Variants in NCKAP5 observed in about 807,000 individuals in gnomAD.
NCKAP5 encodes nck-associated protein 5.
A neutral mutation model predicts 167.0 loss-of-function variants in NCKAP5; 92 were observed. The observed-to-expected ratio is 0.55, with a 90% CI of 0.47 to 0.66. NCKAP5 has a LOEUF of 0.66. NCKAP5 is among the 30% of genes least tolerant of loss of function. The pLI is 0.00. For synonymous variants in NCKAP5, 891 were observed against 877.4 expected, an observed-to-expected ratio of 1.02 and a Z score of -0.27; for missense variants, 2,378 against 2,315.0, an observed-to-expected ratio of 1.03 and a Z score of -0.56.
At chr2:132,954,463 C>G (rs1334477749) in intron 8 of NCKAP5, among the ~76,000 whole-genome samples, 1 of 152,080 alleles carries the variant, frequency 6.6e-6, no homozygotes, top group African/African-American at 2.4e-5. Context: ...TATTCTATCA[C>G]AATATGTATG....
intron 3 of NCKAP5, among the ~76,000 whole-genome samples, chr2:133,418,113 C>A (rs1477077368): frequency 1.3e-5 from 2 of 152,220 alleles, no homozygotes; most frequent in Admixed American, 6.5e-5. Flanking sequence ...TAAGCCTTTG[C>A]AAACTGCTCT....
intron 6 of NCKAP5, among the ~76,000 whole-genome samples, chr2:133,036,750 A>G (rs1019258187): frequency 6.6e-6 from 1 of 152,100 alleles, no homozygotes; most frequent in Admixed American, 6.6e-5. Context: ...TTCCTTTAAT[A>G]TCTGAAACAT....
intron 2 of NCKAP5, among the ~76,000 whole-genome samples, chr2:133,555,276 T>C (rs777346383): frequency 4.9e-4 from 75 of 152,216 alleles, no homozygotes; most frequent in Non-Finnish European, 8.1e-4. Context: ...CTTCCTTGAA[T>C]GGCTCTCGTC....
At chr2:132,935,048 A>G (rs7575053) in intron 8 of NCKAP5, among the ~76,000 whole-genome samples, 3,023 of 152,254 alleles carry the variant, frequency 0.02, 91 homozygotes, top group African/African-American at 0.055. Flanking sequence ...GCTACAAGAG[A>G]TTGGTTCAGG....
intron 3 of NCKAP5, chr2:133,333,744 T>G (rs1165573069): frequency 6.6e-6 from 1 of 152,194 alleles, no homozygotes; most frequent in Admixed American, 6.5e-5. Flanking sequence ...TTGCCAACAT[T>G]TTTATATCAT....
In NCKAP5 at chr2:132,940,923, T is replaced by C. The variant is rs148187184; in HGVS notation, c.579+22797A>G. Among the ~76,000 whole-genome samples, 919 of 152,156 alleles carry C rather than the reference T, an allele frequency of 6.0e-3. 9 individuals are homozygous for C. Among genetic ancestry groups the C allele is most frequent in the African/African-American group, 0.021 (881 of 41,556 alleles). The stretch of plus-strand genomic sequence containing the variant: ...CTTGTCTTACTTTTATACTGATACA[T>C]ATATTTATAATTAAAAGAAACATTA... On this transcript the variant is annotated intron_variant, in intron 8 of 19. Transcript: ENST00000409261.
At chr2:132,721,678 C>T (rs1379537697) in intron 19 of NCKAP5, among the ~76,000 whole-genome samples, 1 of 152,318 alleles carries the variant, frequency 6.6e-6, no homozygotes, top group South Asian at 2.1e-4. Flanking sequence ...TCCTTTAATG[C>T]CCCTTCCTAG....
chr2:133,596,060 C>T, the NCKAP5 span: 2 of 152,292 alleles, frequency 1.3e-5, no homozygotes, highest in African/African-American at 4.8e-5. Context: ...ATGTACGAAC[C>T]ATTCTTAGCT....
At chr2:133,086,539 G>A (rs2080997577) in intron 6 of NCKAP5, among the ~76,000 whole-genome samples, 2 of 152,204 alleles carry the variant, frequency 1.3e-5, no homozygotes, top group African/African-American at 4.8e-5. Flanking sequence ...CAACTCAAGA[G>A]GCTGAGGTGG....
chr2:133,005,343 G>A (rs182062804), intron 6 of NCKAP5, among the ~76,000 whole-genome samples: 5 of 152,286 alleles, frequency 3.3e-5, no homozygotes, highest in African/African-American at 9.6e-5. Context: ...CACAATTTAT[G>A]TTCTTCTGCC....
At chr2:133,513,670 T>C (rs536585189) in intron 3 of NCKAP5, among the ~76,000 whole-genome samples, 17 of 152,162 alleles carry the variant, frequency 1.1e-4, no homozygotes, top group Non-Finnish European at 1.9e-4. Context: ...TGTGTGCACG[T>C]CCTTTTTTTC....
intron 3 of NCKAP5, among the ~76,000 whole-genome samples, chr2:133,406,364 G>A (rs1688428630): frequency 6.6e-6 from 1 of 152,160 alleles, no homozygotes. Flanking sequence ...AGGCTGCAGG[G>A]GGCTGCTCTG....
chr2:132,938,735 G>A (rs12999715), intron 8 of NCKAP5, among the ~76,000 whole-genome samples: 16,884 of 152,206 alleles, frequency 0.11, 1,149 homozygotes, highest in Middle Eastern at 0.19. Flanking sequence ...AAAGGTAGAG[G>A]AAAGGGGAAT....
At chr2:133,409,687 G>GTGAATGTGTA (rs1688658588) in intron 3 of NCKAP5, among the ~76,000 whole-genome samples, 2 of 152,172 alleles carry the variant, frequency 1.3e-5, no homozygotes, top group Admixed American at 1.3e-4. Flanking sequence ...AGGGATGTGT[G>GTGAATGTGTA]TGCATGTGTA....
chr2:133,040,410 T>C (rs1378676179), intron 6 of NCKAP5, among the ~76,000 whole-genome samples: 3 of 152,222 alleles, frequency 2.0e-5, no homozygotes, highest in Non-Finnish European at 4.4e-5. Flanking sequence ...GAATGTCATC[T>C]ACCACATTGG....
At chr2:133,109,446 T>C (rs16848133) in intron 6 of NCKAP5, among the ~76,000 whole-genome samples, 2,781 of 152,316 alleles carry the variant, frequency 0.018, 87 homozygotes, top group African/African-American at 0.063. Context: ...ATATTTCCCA[T>C]GTGGCTTGCA....
chr2:133,275,830 C>T (rs1343431515), intron 4 of NCKAP5, among the ~76,000 whole-genome samples: 1 of 150,958 alleles, frequency 6.6e-6, no homozygotes, highest in East Asian at 1.9e-4. Context: ...AAATAGATCA[C>T]TACATAACTT....
chr2:133,189,736 G>C (rs1039060866), intron 5 of NCKAP5, among the ~76,000 whole-genome samples: 4 of 151,368 alleles, frequency 2.6e-5, no homozygotes, highest in African/African-American at 4.8e-5. Context: ...ATTCAACAAT[G>C]CTTCATGCTA....
chr2:133,262,691 A>G (rs2088971982), intron 4 of NCKAP5, among the ~76,000 whole-genome samples: 1 of 152,234 alleles, frequency 6.6e-6, no homozygotes. Flanking sequence ...CTGCAGCAAG[A>G]AAGTCTCAAC....
Sources: allele counts gnomAD v4.1 joint callset (sites outside exome capture counted in the v4.1 genomes callset), GRCh38; gene constraint gnomAD v4.1.1; transcripts MANE v1.5; gene names NCBI Gene and HGNC (gene_info 2026-07-23, HGNC 2026-07-21).